The following KLHL4 variants were observed in gnomAD, a reference collection of about 807,000 sequenced individuals.
KLHL4 encodes the protein kelch-like protein 4.
A neutral mutation model predicts 45.8 loss-of-function variants in KLHL4; 17 were observed. The ratio of observed to expected loss-of-function variants is 0.37; its 90% CI spans 0.25 to 0.56. The LOEUF is 0.56. Ranked by LOEUF, KLHL4 falls within the 20% of genes least tolerant of loss-of-function variation. KLHL4 has a pLI of 0.79. For synonymous variants in KLHL4, 224 were observed against 189.9 expected (o/e 1.18, Z -1.47); for missense variants, 544 against 544.9 (o/e 1.00, Z 0.02).
rs1922774826 is a variant in KLHL4 at position 87,622,286 on chromosome X, A to C, written c.1000A>C (p.Ser334Arg). 8.3e-7 allele frequency: 1 copy of C among 1,206,587 alleles called. No individual in the cohort carries two copies. The highest frequency in any genetic ancestry group is 1.1e-6 in the Non-Finnish European group (1 of 892,421). ...TAATGAAATTTCAAAACTTCTGTGC[A>C]GTGATGACATTAATGTGCCTGATGA... ...PANEISKLLCSDDINVPDEET... is the reference protein window; with the variant it reads ...PANEISKLLCRDDINVPDEET... Residue 334 changes from serine to arginine, a missense_variant, in exon 5 of 11, where the codon AGT becomes CGT. Transcript: ENST00000373119.
At chrX:87,573,088 G>A (rs1186735802) in intron 1 of KLHL4, among the ~76,000 whole-genome samples, 1 of 111,786 alleles carries the variant, frequency 8.9e-6, no homozygotes, top group Non-Finnish European at 1.9e-5. Flanking sequence ...ATTATGAAAT[G>A]CAGGATTCTT....
chrX:87,640,504 G>A (rs1923417869), intron 9 of KLHL4, among the ~76,000 whole-genome samples: 1 of 111,854 alleles, frequency 8.9e-6, no homozygotes. Flanking sequence ...GATCAAGTTA[G>A]TTTTATACCA....
At chrX:87,657,690 A>G (rs1924038289) in intron 9 of KLHL4, among the ~76,000 whole-genome samples, 1 of 111,389 alleles carries the variant, frequency 9.0e-6, no homozygotes, top group Non-Finnish European at 1.9e-5. Flanking sequence ...GGTGGTAGTA[A>G]GGTCTGTGCT....
intron 1 of KLHL4, among the ~76,000 whole-genome samples, chrX:87,584,599 G>A (rs1195363303): frequency 9.0e-6 from 1 of 111,231 alleles, no homozygotes; most frequent in Non-Finnish European, 1.9e-5. Context: ...TCTTTTAAGA[G>A]CAGGATGGAT....
At chrX:87,561,674 A>T (rs1279888077) in intron 1 of KLHL4, among the ~76,000 whole-genome samples, 16 of 110,982 alleles carry the variant, frequency 1.4e-4, no homozygotes, top group African/African-American at 5.2e-4. Flanking sequence ...GAGCAGCCTA[A>T]GGAGTGCTTG....
intron 9 of KLHL4, among the ~76,000 whole-genome samples, chrX:87,653,754 A>G (rs777512834): frequency 1.8e-5 from 2 of 112,197 alleles, no homozygotes; most frequent in Non-Finnish European, 3.8e-5. Context: ...GATACACTGG[A>G]TAAAGAAAAT....
rs1249713850 is a variant in KLHL4 at position 87,669,060 on chromosome X, A to G, written c.*2526A>G. 1.1e-5 allele frequency: 10 copies of G among 874,735 alleles called. No homozygotes were observed. The highest frequency in any genetic ancestry group is 9.8e-6 in the Non-Finnish European group (7 of 717,737). 72.1% of individuals were successfully genotyped at this position (874,735 alleles called of 1,213,427 possible). A position where few individuals can be genotyped will look rare whatever the true frequency, so the allele number is the denominator to read the frequency against. On this transcript the variant is annotated 3_prime_UTR_variant, in exon 11 of 11. Transcript: ENST00000373119. ...AAACTTAATTGGGAAAAGGAGGAGT[A>G]AGAGCAGGCCCTTTCTGACATGCTT...
chrX:87,549,166 A>C (rs1469062625), intron 1 of KLHL4, among the ~76,000 whole-genome samples: 1 of 111,251 alleles, frequency 9.0e-6, no homozygotes, highest in Non-Finnish European at 1.9e-5. Context: ...AAACTATAAG[A>C]AGAAAAAAAG....
At chrX:87,564,030 A>T (rs1166735277) in intron 1 of KLHL4, among the ~76,000 whole-genome samples, 3 of 110,785 alleles carry the variant, frequency 2.7e-5, no homozygotes, top group Non-Finnish European at 5.7e-5. Flanking sequence ...CTAAAAGGAC[A>T]GAACTCCTCC....
chrX:87,575,231 C>T (rs945409024), intron 1 of KLHL4, among the ~76,000 whole-genome samples: 1 of 111,683 alleles, frequency 9.0e-6, no homozygotes, highest in Non-Finnish European at 1.9e-5. Flanking sequence ...GAGTGGCGGA[C>T]AAGTGAGTAT....
At chrX:87,632,492 A>C in intron 7 of KLHL4, 58 bp downstream of exon 7, 1 of 809,397 alleles carries the variant, frequency 1.2e-6, no homozygotes, top group South Asian at 3.1e-5. Context: ...GTTTTTAAAA[A>C]TTAAATCTAG....
At position 87,669,062 on chromosome X, in the gene KLHL4, G is replaced by A. The variant is rs983331669; in HGVS notation, c.*2528G>A. On this transcript the variant is annotated 3_prime_UTR_variant, in exon 11 of 11. Coordinates refer to ENST00000373119, the MANE Select transcript of KLHL4 (RefSeq NM_019117.5). ...ACTTAATTGGGAAAAGGAGGAGTAA[G>A]AGCAGGCCCTTTCTGACATGCTTTA... is the stretch of plus-strand genomic sequence containing the variant. The A allele has an allele frequency of 1.0e-5, 9 of 887,503 alleles. No homozygotes were observed. Among genetic ancestry groups the A allele is most frequent in the Non-Finnish European group, 1.2e-5 (9 of 725,687 alleles). 73.1% of individuals were successfully genotyped at this position (887,503 alleles called of 1,213,427 possible). A position where few individuals can be genotyped will look rare whatever the true frequency, so the allele number is the denominator to read the frequency against.
intron 1 of KLHL4, among the ~76,000 whole-genome samples, chrX:87,529,082 T>A (rs1931184801): frequency 9.0e-6 from 1 of 110,977 alleles, no homozygotes; most frequent in Non-Finnish European, 1.9e-5. Context: ...AAAACCATTG[T>A]CTTTCACTAA....
At position 87,665,017 on chromosome X, in the gene KLHL4, A is replaced by T. The variant is rs1040033992; in HGVS notation, c.2097+82A>T. 34 of 602,872 alleles carry T rather than the reference A, an allele frequency of 5.6e-5. 1 individual carries two copies. Among genetic ancestry groups the T allele is most frequent in the East Asian group, 4.4e-4 (12 of 27,453 alleles). 49.7% of individuals were successfully genotyped at this position (602,872 alleles called of 1,213,427 possible). ...AAATTATATTTTTGAAATTAGTTGT[A>T]TTCTCTTCTCTAGGCCCTAACAAGA... On this transcript the variant is annotated intron_variant, in intron 10 of 10. Coordinates refer to ENST00000373119, the MANE Select transcript of KLHL4 (RefSeq NM_019117.5).
chrX:87,654,608 T>A (rs1923928037), intron 9 of KLHL4, among the ~76,000 whole-genome samples: 1 of 111,722 alleles, frequency 9.0e-6, no homozygotes. Context: ...ACTAAACCTA[T>A]AAGTGCAGGT....
chrX:87,534,791 C>T (rs757266883), intron 1 of KLHL4, among the ~76,000 whole-genome samples: 34 of 111,606 alleles, frequency 3.0e-4, no homozygotes, highest in Non-Finnish European at 1.5e-4. Flanking sequence ...TGATTCAAGA[C>T]CTCTTAAGAT....
At position 87,627,446 on chromosome X, in the gene KLHL4, A is replaced by G. The variant is rs187155889; in HGVS notation, c.1324+1650A>G. Among the ~76,000 whole-genome samples the G allele has an allele frequency of 1.5e-3, 169 of 112,011 alleles. 1 individual carries two copies. Among genetic ancestry groups the G allele is most frequent in the African/African-American group, 5.2e-3 (160 of 30,909 alleles). On this transcript the variant is annotated intron_variant, in intron 6 of 10. Coordinates refer to ENST00000373119, the MANE Select transcript of KLHL4 (RefSeq NM_019117.5). ...ATATAATTGAAAATTGGAAGACTAC[A>G]TAGTAACAATGCTTATTAATCATAA...
intron 1 of KLHL4, among the ~76,000 whole-genome samples, chrX:87,553,707 G>T (rs1219817143): frequency 9.0e-6 from 1 of 111,041 alleles, no homozygotes; most frequent in African/African-American, 3.3e-5. Flanking sequence ...TTTTATATTG[G>T]ACTCATTTAA....
chrX:87,575,205 C>T (rs903737273), intron 1 of KLHL4, among the ~76,000 whole-genome samples: 3 of 111,730 alleles, frequency 2.7e-5, no homozygotes, highest in African/African-American at 9.8e-5. Context: ...AGGAACCAGG[C>T]CGCACAGCAG....
Sources: gnomAD v4.1 joint callset for allele counts (sites outside exome capture counted in the v4.1 genomes callset) on GRCh38, gnomAD v4.1.1 for gene constraint, MANE v1.5 for transcripts, NCBI Gene and HGNC (gene_info 2026-07-23, HGNC 2026-07-21) for gene names.